PLPPR1: variants seen among roughly 807,000 people sequenced by gnomAD.
PLPPR1 encodes the protein phospholipid phosphatase-related protein type 1.
PLPPR1 carries 10 observed loss-of-function variants against 33.1 expected under a neutral mutation model. The ratio of observed to expected loss-of-function variants is 0.30; its 90% confidence interval spans 0.19 to 0.51. The LOEUF (loss-of-function observed/expected upper bound fraction) is 0.51, where lower values mean the gene tolerates loss of function less well. Ranked by LOEUF, PLPPR1 falls within the 20% of genes least tolerant of loss-of-function variation. PLPPR1 has a pLI of 0.97. For missense variants in PLPPR1, 304 were observed against 408.1 expected (o/e 0.74, Z 2.20); for synonymous variants, 151 against 151.0 (o/e 1.00, Z 0.00).
chr9:101,216,160 G>A (rs1381093524), intron 2 of PLPPR1, among the ~76,000 whole-genome samples: 1 of 152,108 alleles, frequency 6.6e-6, no homozygotes, highest in East Asian at 1.9e-4. Flanking sequence ...ATTTGTTACT[G>A]TCTGTCTTCA....
At chr9:101,262,981 A>C (rs1385117534) in intron 2 of PLPPR1, among the ~76,000 whole-genome samples, 1 of 152,108 alleles carries the variant, frequency 6.6e-6, no homozygotes, top group African/African-American at 2.4e-5. Context: ...AGGGAGTGGA[A>C]CATCGCACAC....
At chr9:101,108,837 C>A (rs1287184709) in intron 1 of PLPPR1, among the ~76,000 whole-genome samples, 4 of 152,046 alleles carry the variant, frequency 2.6e-5, no homozygotes, top group Admixed American at 6.6e-5. Flanking sequence ...TGTTAATATG[C>A]AATGGGTTTA....
intron 1 of PLPPR1, among the ~76,000 whole-genome samples, chr9:101,118,759 C>A (rs1831143800): frequency 6.6e-6 from 1 of 152,216 alleles, no homozygotes; most frequent in African/African-American, 2.4e-5. Context: ...GTCTTTGCTT[C>A]TCATTCCCAC....
At chr9:101,235,475 T>C (rs1827280436) in intron 2 of PLPPR1, among the ~76,000 whole-genome samples, 1 of 151,874 alleles carries the variant, frequency 6.6e-6, no homozygotes, top group Non-Finnish European at 1.5e-5. Context: ...AACAAAATTT[T>C]TTTAAAACCT....
chr9:101,093,429 C>T (rs1830774138), intron 1 of PLPPR1, among the ~76,000 whole-genome samples: 1 of 152,152 alleles, frequency 6.6e-6, no homozygotes, highest in Non-Finnish European at 1.5e-5. Flanking sequence ...TGAGTGCCCA[C>T]TTAATATGTA....
In PLPPR1 at chr9:101,254,342, C is replaced by T. The variant is rs542345356; in HGVS notation, c.64-15538C>T. Among the ~76,000 whole-genome samples, 3 of 152,216 alleles carry T rather than the reference C, an allele frequency of 2.0e-5. No homozygotes were observed. The East Asian group carries it at 5.8e-4, about 29-fold the overall frequency. On this transcript the variant is annotated intron_variant, in intron 2 of 7. Transcript: ENST00000374874. ...TAAGGAACATGAAACCTAGATCTCACACTTGTGCAGTTCACAATAGGGTTC... is the reference window on the plus strand; with the variant it reads ...TAAGGAACATGAAACCTAGATCTCATACTTGTGCAGTTCACAATAGGGTTC...
intron 4 of PLPPR1, among the ~76,000 whole-genome samples, chr9:101,287,670 T>G (rs1478706873): frequency 6.6e-6 from 1 of 152,030 alleles, no homozygotes; most frequent in Non-Finnish European, 1.5e-5. Context: ...CTGGATAATT[T>G]TTGCATTTTT....
chr9:101,245,883 G>A (rs2118856540), intron 2 of PLPPR1, among the ~76,000 whole-genome samples: 1 of 151,444 alleles, frequency 6.6e-6, no homozygotes, highest in Non-Finnish European at 1.5e-5. Context: ...ACTCCAAATA[G>A]GGTAAAGGGA....
intron 3 of PLPPR1, among the ~76,000 whole-genome samples, chr9:101,284,674 T>G (rs2118913935): frequency 6.6e-6 from 1 of 152,306 alleles, no homozygotes; most frequent in African/African-American, 2.4e-5. Flanking sequence ...AGGGAGAACA[T>G]TATAAATGAT....
chr9:101,241,327 G>T (rs1188701607), intron 2 of PLPPR1, among the ~76,000 whole-genome samples: 1 of 151,934 alleles, frequency 6.6e-6, no homozygotes, highest in East Asian at 1.9e-4. Context: ...CTAGACCAGG[G>T]GTGTCCAGTC....
At chr9:101,242,808 G>A (rs143804162) in intron 2 of PLPPR1, among the ~76,000 whole-genome samples, 29 of 152,124 alleles carry the variant, frequency 1.9e-4, no homozygotes, top group African/African-American at 5.3e-4. Context: ...AAGTACTGAG[G>A]CTACAATGAT....
intron 1 of PLPPR1, among the ~76,000 whole-genome samples, chr9:101,079,022 G>T (rs948952681): frequency 2.0e-5 from 3 of 152,154 alleles, no homozygotes; most frequent in African/African-American, 7.2e-5. Context: ...AAAGTTATAT[G>T]TGTGGATGGT....
chr9:101,284,456 G>C (rs946076833), intron 3 of PLPPR1, among the ~76,000 whole-genome samples: 2 of 152,156 alleles, frequency 1.3e-5, no homozygotes, highest in Non-Finnish European at 2.9e-5. Context: ...ACACAATACT[G>C]TGACTATAAT....
intron 4 of PLPPR1, among the ~76,000 whole-genome samples, chr9:101,296,822 G>C (rs1477219846): frequency 6.6e-6 from 1 of 151,710 alleles, no homozygotes; most frequent in South Asian, 2.1e-4. Flanking sequence ...GGGAGGGATA[G>C]CATTAGGAGA....
chr9:101,109,134 A>AT (rs67666339), intron 1 of PLPPR1, among the ~76,000 whole-genome samples: 7,909 of 99,704 alleles, frequency 0.079, 341 homozygotes, highest in Middle Eastern at 0.16. Context: ...AATTTTTTGT[A>AT]TTTTTTTTTT....
chr9:101,206,923 A>ACTT lies in PLPPR1; in HGVS notation c.63+21367_63+21369dup, dbSNP rs1202438867. On this transcript the variant is annotated intron_variant, in intron 2 of 7. Transcript: ENST00000374874. ...GAAACCCCTCCATTGCCAAGCCAGG[A>ACTT]CTTATAGGGAATATAACCCCTGGCA... Among the ~76,000 whole-genome samples the ACTT allele has an allele frequency of 5.9e-5, 9 of 152,142 alleles. No individual in the cohort carries two copies. The East Asian group carries it at 1.6e-3, about 26-fold the overall frequency.
chr9:101,241,141 T>C (rs1827457086), intron 2 of PLPPR1, among the ~76,000 whole-genome samples: 1 of 151,966 alleles, frequency 6.6e-6, no homozygotes, highest in Admixed American at 6.6e-5. Context: ...GACACTGAGA[T>C]GGAATAGGTA....
At chr9:101,043,325 G>A (rs960242284) in intron 1 of PLPPR1, among the ~76,000 whole-genome samples, 4 of 150,666 alleles carry the variant, frequency 2.7e-5, no homozygotes, top group Non-Finnish European at 3.0e-5. Context: ...ATATACACAC[G>A]TGTATATATA....
chr9:101,190,130 A>G (rs1826270829), intron 2 of PLPPR1, among the ~76,000 whole-genome samples: 1 of 152,180 alleles, frequency 6.6e-6, no homozygotes, highest in African/African-American at 2.4e-5. Context: ...ACGTATCGTC[A>G]AAGTTGATCT....
Sources: allele counts gnomAD v4.1 joint callset (sites outside exome capture counted in the v4.1 genomes callset), GRCh38; gene constraint gnomAD v4.1.1; transcripts MANE v1.5; gene names NCBI Gene and HGNC (gene_info 2026-07-23, HGNC 2026-07-21).